Variants in ARHGAP39 observed in about 807,000 individuals in gnomAD.
The protein encoded by ARHGAP39 is Rho GTPase activating protein 39.
In ARHGAP39, 44 loss-of-function variants were observed where a neutral mutation model predicts 106.9. The observed-to-expected ratio is 0.41, with a 90% CI of 0.32 to 0.53. ARHGAP39 has a LOEUF of 0.53. Among genes scored for constraint, ARHGAP39 ranks in the 20% least tolerant of loss-of-function variants. The pLI is 0.21. For synonymous variants in ARHGAP39, 768 were observed against 693.2 expected (o/e 1.11, Z -1.69); for missense variants, 1,496 against 1,577.3 (o/e 0.95, Z 0.87).
chr8:144,590,568 C>T (rs1204169121), intron 2 of ARHGAP39, among the ~76,000 whole-genome samples: 1 of 152,180 alleles, frequency 6.6e-6, no homozygotes, highest in Non-Finnish European at 1.5e-5. Flanking sequence ...CCTGCAGAAC[C>T]ACCAGCCAAT....
At chr8:144,561,422 T>A (rs1818149120) in intron 3 of ARHGAP39, among the ~76,000 whole-genome samples, 1 of 145,858 alleles carries the variant, frequency 6.9e-6, no homozygotes, top group Non-Finnish European at 1.5e-5. Context: ...GTGGTTTCCA[T>A]CACACTCCAG....
intron 4 of ARHGAP39, among the ~76,000 whole-genome samples, chr8:144,550,173 C>T (rs1186412250): frequency 6.6e-6 from 1 of 152,106 alleles, no homozygotes; most frequent in Non-Finnish European, 1.5e-5. Flanking sequence ...ACTCAGGAAG[C>T]TGGGGTGGGA....
chr8:144,651,757 CA>C (rs1821580124), intron 1 of ARHGAP39, among the ~76,000 whole-genome samples: 1 of 151,824 alleles, frequency 6.6e-6, no homozygotes, highest in Non-Finnish European at 1.5e-5. Flanking sequence ...CAAAAGAGTC[CA>C]AATAGATAAG....
chr8:144,581,233 A>C lies in ARHGAP39; in HGVS notation c.125T>G (p.Met42Arg), dbSNP rs1818977151. 1 of 1,554,716 alleles carries C rather than the reference A, an allele frequency of 6.4e-7. No individual in the cohort carries two copies. The highest frequency in any genetic ancestry group is 8.7e-7 in the Non-Finnish European group (1 of 1,150,130). The change falls in exon 3 of 12, where the codon ATG (methionine) becomes AGG (arginine). Residue 42 changes from methionine to arginine, a missense_variant. Around this residue, in one of 4 missense-constraint regions of ARHGAP39, gnomAD observed 96 missense variants for 107.9 expected, o/e 0.89. Transcript: ENST00000377307. ...CTCACCGGTGACCAGGTTGGCGTAC[A>C]TGCGCTCGCGGGTGCGCGGTTCGAT... ...EIIEPRTRER[M>R]YANLVTGECV...
intron 3 of ARHGAP39, among the ~76,000 whole-genome samples, chr8:144,563,042 A>C (rs147975649): frequency 6.6e-6 from 1 of 152,390 alleles, no homozygotes; most frequent in African/African-American, 2.4e-5. Flanking sequence ...AGTATTTTCA[A>C]ATAAGTTGTG....
At chr8:144,698,890 G>C in the ARHGAP39 span, 7 of 455,748 alleles carry the variant, frequency 1.5e-5, no homozygotes, top group East Asian at 4.2e-4. Context: ...CCCTCCCTTG[G>C]GGGGGTTGGG....
In ARHGAP39 at chr8:144,591,633, G is replaced by A. The variant is rs185886649; in HGVS notation, c.81-10356C>T. ...ACAGGGTGCGTGCCAGAAGAGAGGC[G>A]AGGGGTGGGGGAGCAGAGGCGAGGA... On this transcript the variant is annotated intron_variant, in intron 2 of 11. Coordinates refer to ENST00000377307, the MANE Select transcript of ARHGAP39 (RefSeq NM_025251.3). The surrounding 1 kb of genome is among the most constrained non-coding windows in gnomAD (Gnocchi z 5.3). 1.7e-4 allele frequency among the ~76,000 whole-genome samples: 26 copies of A among 152,300 alleles called. No individual in the cohort carries two copies. The highest frequency in any genetic ancestry group is 3.2e-4 in the Non-Finnish European group (22 of 68,014).
chr8:144,569,760 T>C (rs1337695630), intron 3 of ARHGAP39, among the ~76,000 whole-genome samples: 2 of 152,182 alleles, frequency 1.3e-5, no homozygotes, highest in African/African-American at 4.8e-5. Flanking sequence ...ATGTATGCTT[T>C]AAATGTGTGT....
intron 2 of ARHGAP39, among the ~76,000 whole-genome samples, chr8:144,605,004 G>A (rs1820229327): frequency 6.6e-6 from 1 of 152,208 alleles, no homozygotes; most frequent in African/African-American, 2.4e-5. Context: ...GCTCACGTCT[G>A]TGATCCTGGC....
At chr8:144,580,394 C>T (rs1397225780) in intron 3 of ARHGAP39, among the ~76,000 whole-genome samples, 1 of 152,236 alleles carries the variant, frequency 6.6e-6, no homozygotes, top group Non-Finnish European at 1.5e-5. Flanking sequence ...CCACCACCTG[C>T]CAGGGGCTGG....
At chr8:144,571,687 A>G (rs1818592383) in intron 3 of ARHGAP39, among the ~76,000 whole-genome samples, 3 of 152,244 alleles carry the variant, frequency 2.0e-5, no homozygotes, top group South Asian at 4.1e-4. Context: ...TTAGGAAAAG[A>G]GGAAGTCAAA....
intron 1 of ARHGAP39, among the ~76,000 whole-genome samples, chr8:144,668,655 A>G (rs1175238975): frequency 2.6e-5 from 4 of 152,244 alleles, no homozygotes; most frequent in African/African-American, 4.8e-5. Context: ...GAAAGAAATT[A>G]AAGAAGTCCT....
rs1445853608 is a variant in ARHGAP39, at chr8:144,604,596, T to A, written c.80+939A>T. On this transcript the variant is annotated intron_variant, in intron 2 of 11. Transcript: ENST00000377307. This position sits in a 1 kb window ranked among gnomAD's most constrained non-coding sequence, Gnocchi z 4.1. The stretch of plus-strand genomic sequence containing the variant: ...TCTCGCTAGGTTGCCCAGGCTGGGA[T>A]GATCTGTTTTAAATAGGGTGACTAT... 1.3e-5 allele frequency among the ~76,000 whole-genome samples: 2 copies of A among 152,198 alleles called. No homozygotes were observed. Among genetic ancestry groups the A allele is most frequent in the African/African-American group, 2.4e-5 (1 of 41,444 alleles).
chr8:144,581,002 G>A lies in ARHGAP39; in HGVS notation c.356C>T (p.Ser119Leu). ...GCCGCGCCCGGGGCTGCTCTCCGCC[G>A]AGGCGCGCGGGGACTCCGTGTTCTG... ...LKQNTESPRA[S>L]AESSPGRGSS... The change falls in exon 3 of 12, where the codon TCG (serine) becomes TTG (leucine). Residue 119 changes from serine (S) to leucine (L), a missense_variant. Around this residue, in one of 4 missense-constraint regions of ARHGAP39, gnomAD observed 905 missense variants for 816.4 expected, o/e 1.11. Coordinates refer to ENST00000377307, the MANE Select transcript of ARHGAP39 (RefSeq NM_025251.3). The A allele has an allele frequency of 2.5e-6, 4 of 1,593,154 alleles. No homozygotes were observed. In the East Asian group the frequency reaches 9.1e-5, roughly 36 times the overall value.
In ARHGAP39 at chr8:144,644,780, G is replaced by C. The variant is rs904279406; in HGVS notation, c.-81-39085C>G. On this transcript the variant is annotated intron_variant, in intron 1 of 11. Transcript: ENST00000377307. This position sits in a 1 kb window ranked among gnomAD's most constrained non-coding sequence, Gnocchi z 4.8. ...AGCACCAGGTGTCTGCACAGCTCTTGGCTGCACCTGCACTCTGAGTCATTG... is the reference window on the plus strand; with the variant it reads ...AGCACCAGGTGTCTGCACAGCTCTTCGCTGCACCTGCACTCTGAGTCATTG... Among the ~76,000 whole-genome samples the C allele has an allele frequency of 6.6e-6, 1 of 152,180 alleles. No individual in the cohort carries two copies. Among genetic ancestry groups the C allele is most frequent in the Non-Finnish European group, 1.5e-5 (1 of 68,034 alleles).
chr8:144,660,270 A>T (rs1260040897), intron 1 of ARHGAP39, among the ~76,000 whole-genome samples: 5 of 152,126 alleles, frequency 3.3e-5, no homozygotes, highest in Non-Finnish European at 4.4e-5. Context: ...TCAAGACTGA[A>T]TTCCCTCTTG....
At chr8:144,698,765 T>C in the ARHGAP39 span, 1 of 453,506 alleles carries the variant, frequency 2.2e-6, no homozygotes, top group Non-Finnish European at 4.4e-6. Flanking sequence ...TGAGTGTCCT[T>C]GGCCATGAGT....
At chr8:144,598,157 G>A (rs188159958) in intron 2 of ARHGAP39, among the ~76,000 whole-genome samples, 6 of 152,368 alleles carry the variant, frequency 3.9e-5, no homozygotes, top group African/African-American at 1.4e-4. Context: ...GGACACCTGC[G>A]GGGCCCTTTC....
Position 144,548,098 on chromosome 8 carries a change from T to TG in ARHGAP39, c.987dup (p.Met330HisfsTer23). On this transcript the variant is annotated frameshift_variant, in exon 5 of 12. Transcript: ENST00000377307. LOFTEE classifies it high-confidence loss of function. The surrounding 1 kb of genome is among the most constrained non-coding windows in gnomAD (Gnocchi z 7.4). ...CCGCCAGCCTCGAATTGCACGTCCA[T>TG]GGGGGGCTCATCGTAGATGGGGGCC... 2 of 1,586,640 alleles carry TG rather than the reference T, an allele frequency of 1.3e-6. No individual in the cohort carries two copies. The highest frequency in any genetic ancestry group is 1.7e-6 in the Non-Finnish European group (2 of 1,167,680).
Sources: gnomAD v4.1 joint callset for allele counts (sites outside exome capture counted in the v4.1 genomes callset) on GRCh38, gnomAD v4.1.1 for gene constraint, gnomAD v4.1.1 regional missense constraint, Gnocchi (gnomAD v3.1) non-coding constraint, MANE v1.5 for transcripts, NCBI Gene and HGNC (gene_info 2026-07-23, HGNC 2026-07-21) for gene names.